The following JAK1 variants were observed in gnomAD, a reference collection of about 807,000 sequenced individuals.
JAK1 encodes the protein Janus kinase 1, also known as tyrosine-protein kinase JAK1.
A neutral mutation model predicts 136.6 loss-of-function variants in JAK1; 16 were observed. The observed-to-expected ratio is 0.12, with a 90% CI of 0.08 to 0.18. JAK1 has a LOEUF of 0.18. Among genes scored for constraint, JAK1 ranks in the 10% least tolerant of loss-of-function variants. The pLI is 1.00. For missense variants in JAK1, 859 were observed against 1,450.1 expected, an observed-to-expected ratio of 0.59 and a Z score of 6.62; for synonymous variants, 492 against 519.5, an observed-to-expected ratio of 0.95 and a Z score of 0.72.
chr1:65,043,186 T>C (rs192631514), intron 2 of JAK1, among the ~76,000 whole-genome samples: 14 of 152,288 alleles, frequency 9.2e-5, no homozygotes, highest in Admixed American at 7.2e-4. Flanking sequence ...AAAGAAGACA[T>C]GGTATTGCAT....
intron 2 of JAK1, among the ~76,000 whole-genome samples, chr1:64,997,985 T>G (rs1305793402): frequency 6.6e-6 from 1 of 151,972 alleles, no homozygotes; most frequent in African/African-American, 2.4e-5. Flanking sequence ...CTATACAAAC[T>G]TTTCCAAACA....
intron 2 of JAK1, among the ~76,000 whole-genome samples, chr1:65,036,568 C>T (rs1444792381): frequency 6.6e-6 from 1 of 152,198 alleles, no homozygotes; most frequent in African/African-American, 2.4e-5. Context: ...ATTGTATCTT[C>T]GTGACTGCCC....
chr1:64,973,303 GAGAGAGAA>G (rs1034303626), intron 2 of JAK1, among the ~76,000 whole-genome samples: 4 of 145,216 alleles, frequency 2.8e-5, no homozygotes, highest in African/African-American at 5.1e-5. Flanking sequence ...GAGAAAGAAA[GAGAGAGAA>G]AGGAAGGAAG....
intron 1 of JAK1, among the ~76,000 whole-genome samples, chr1:65,064,810 G>A (rs1407102473): frequency 6.6e-6 from 1 of 152,104 alleles, no homozygotes; most frequent in Non-Finnish European, 1.5e-5. Flanking sequence ...TCTCTATCTA[G>A]AGCAGATTCT....
intron 2 of JAK1, among the ~76,000 whole-genome samples, chr1:64,997,170 G>A (rs190039848): frequency 2.5e-3 from 384 of 152,270 alleles, no homozygotes; most frequent in Non-Finnish European, 4.0e-3. Context: ...GTCAATCTAT[G>A]CCTCAAGTAA....
intron 1 of JAK1, among the ~76,000 whole-genome samples, chr1:64,897,526 GAGGGAGGAGGAGGAGGAGGAGGAGGAGGA>G (rs1645038950): frequency 1.5e-3 from 1 of 654 alleles, no homozygotes; most frequent in Non-Finnish European, 8.6e-3. Context: ...GGGGGAGGGG[GAGGGAGGAGGAGGAGGAGGAGGAGGAGGA>G]GGAGGAGGAG....
At chr1:64,986,095 G>C in intron 2 of JAK1, 1 of 918,858 alleles carries the variant, frequency 1.1e-6, no homozygotes, top group East Asian at 3.0e-5. Flanking sequence ...GTCCCCCATG[G>C]CCTCAATCTA....
At chr1:65,008,410 A>G (rs550201256) in intron 2 of JAK1, among the ~76,000 whole-genome samples, 25 of 152,292 alleles carry the variant, frequency 1.6e-4, no homozygotes, top group Middle Eastern at 3.4e-3. Context: ...CTGAATGTCA[A>G]ACTAAAAGGT....
At chr1:64,919,628 C>CA (rs1334167398) in intron 1 of JAK1, among the ~76,000 whole-genome samples, 4 of 152,158 alleles carry the variant, frequency 2.6e-5, no homozygotes, top group Non-Finnish European at 5.9e-5. Flanking sequence ...TTTAGTCTCA[C>CA]CAACAGTGTA....
At chr1:64,994,411 A>AG (rs1646685287) in intron 2 of JAK1, among the ~76,000 whole-genome samples, 1 of 152,222 alleles carries the variant, frequency 6.6e-6, no homozygotes, top group Admixed American at 6.5e-5. Context: ...AAAATACCTG[A>AG]GACTGGATAA....
intron 2 of JAK1, chr1:64,993,687 C>G (rs1227041145): frequency 2.0e-5 from 3 of 151,766 alleles, no homozygotes; most frequent in African/African-American, 7.3e-5. Context: ...GCTCTGTCGC[C>G]CAGGCTAAAG....
chr1:64,928,563 G>A (rs562610505), intron 1 of JAK1, among the ~76,000 whole-genome samples: 1 of 152,102 alleles, frequency 6.6e-6, no homozygotes, highest in South Asian at 2.1e-4. Context: ...TAACTGCTCA[G>A]CAGAGAAAAA....
chr1:64,969,205 T>G (rs1646428158), upstream of JAK1, among the ~76,000 whole-genome samples: 1 of 152,010 alleles, frequency 6.6e-6, no homozygotes, highest in African/African-American at 2.4e-5. Context: ...TAGTGGGTTT[T>G]TTTTTTTGAG....
intron 2 of JAK1, chr1:64,985,896 A>G: frequency 1.4e-6 from 1 of 691,764 alleles, no homozygotes; most frequent in Non-Finnish European, 2.5e-6. Context: ...GAATATGGCC[A>G]TAGACAAGCA....
chr1:65,030,644 T>A (rs1402573622), intron 2 of JAK1, among the ~76,000 whole-genome samples: 2 of 152,050 alleles, frequency 1.3e-5, no homozygotes, highest in East Asian at 3.9e-4. Flanking sequence ...GTGATTCTCC[T>A]GCCTCAGCCT....
chr1:65,064,381 G>T (rs930274478), intron 1 of JAK1, among the ~76,000 whole-genome samples: 2 of 152,308 alleles, frequency 1.3e-5, no homozygotes, highest in Middle Eastern at 3.4e-3. Flanking sequence ...AGTAAAAGAT[G>T]TTACCCCATC....
chr1:64,869,489 G>T lies in JAK1; in HGVS notation c.484-15C>A. 2 of 1,610,398 alleles carry T rather than the reference G, an allele frequency of 1.2e-6. No individual in the cohort carries two copies. The highest frequency in any genetic ancestry group is 1.7e-6 in the Non-Finnish European group (2 of 1,177,594). ...TCATACTGTCCCTAGGAGCAAGGGG[G>T]AGAAACCATGAGAGCCCACCCGTTT... On this transcript the variant is annotated splice_polypyrimidine_tract_variant and intron_variant, in intron 5 of 24. Coordinates refer to ENST00000342505, the MANE Select transcript of JAK1 (RefSeq NM_002227.4).
At chr1:64,983,150 C>T (rs1646565253) in intron 2 of JAK1, among the ~76,000 whole-genome samples, 1 of 152,144 alleles carries the variant, frequency 6.6e-6, no homozygotes, top group South Asian at 2.1e-4. Flanking sequence ...AAAAAGGGGG[C>T]TGTGGGAATA....
At chr1:64,835,735 AAGGAGTC>A (rs67240714) in intron 23 of JAK1, among the ~76,000 whole-genome samples, 2,036 of 152,258 alleles carry the variant, frequency 0.013, 17 homozygotes, top group Middle Eastern at 0.051. Flanking sequence ...TGTGCTGGTC[AAGGAGTC>A]TGTTCCCAAG....
Sources: allele counts gnomAD v4.1 joint callset (sites outside exome capture counted in the v4.1 genomes callset), GRCh38; gene constraint gnomAD v4.1.1; transcripts MANE v1.5; gene names NCBI Gene and HGNC (gene_info 2026-07-23, HGNC 2026-07-21).